Variants in TANGO6 observed in about 807,000 individuals in gnomAD.
TANGO6 encodes transport and golgi organization 6 homolog.
Under a neutral mutation model 114.2 loss-of-function variants are expected in TANGO6, and 90 were observed. That is an observed-to-expected ratio of 0.79 (90% CI 0.66 to 0.94). The LOEUF (loss-of-function observed/expected upper bound fraction) is 0.94. TANGO6 is among the 40% of genes least tolerant of loss of function. The pLI is 0.00. For missense variants in TANGO6, 1,274 were observed against 1,315.3 expected (o/e 0.97, Z 0.49); for synonymous variants, 477 against 509.8 (o/e 0.94, Z 0.87).
intron 5 of TANGO6, among the ~76,000 whole-genome samples, chr16:68,877,269 A>T (rs1177542670): frequency 6.6e-6 from 1 of 152,084 alleles, no homozygotes; most frequent in East Asian, 1.9e-4. Context: ...AGAGTTTGAG[A>T]CCAGCCTGAT....
intron 15 of TANGO6, among the ~76,000 whole-genome samples, chr16:69,011,964 C>T (rs1394061196): frequency 6.6e-6 from 1 of 152,204 alleles, no homozygotes; most frequent in Non-Finnish European, 1.5e-5. Flanking sequence ...ATTTTTTCAG[C>T]TCTCTCACTT....
At chr16:68,876,804 G>A (rs1962369183) in intron 5 of TANGO6, among the ~76,000 whole-genome samples, 1 of 152,150 alleles carries the variant, frequency 6.6e-6, no homozygotes, top group South Asian at 2.1e-4. Context: ...CCGGGTGACA[G>A]AGCGAGACTC....
chr16:68,971,862 A>G (rs1332080240), intron 14 of TANGO6, among the ~76,000 whole-genome samples: 2 of 148,428 alleles, frequency 1.3e-5, no homozygotes, highest in Non-Finnish European at 3.0e-5. Context: ...TGAACTCCTG[A>G]CCTCAAGTGA....
At chr16:69,009,347 C>T (rs186043902) in intron 15 of TANGO6, among the ~76,000 whole-genome samples, 69 of 152,218 alleles carry the variant, frequency 4.5e-4, no homozygotes, top group Middle Eastern at 6.8e-3. Context: ...TCCCAAAGTG[C>T]TGGGATTACA....
At chr16:68,843,925 A>C (rs1961764025) in intron 1 of TANGO6, among the ~76,000 whole-genome samples, 1 of 152,156 alleles carries the variant, frequency 6.6e-6, no homozygotes, top group Non-Finnish European at 1.5e-5. Flanking sequence ...TTGACTGCTG[A>C]TATTAGCCAA....
At chr16:69,043,295 TG>T (rs1959802186) in intron 17 of TANGO6, among the ~76,000 whole-genome samples, 1 of 147,278 alleles carries the variant, frequency 6.8e-6, no homozygotes, top group Admixed American at 6.7e-5. Flanking sequence ...TGTGTGTGTG[TG>T]TGTGTGTGTG....
chr16:68,974,526 G>T (rs1379868761), intron 15 of TANGO6, among the ~76,000 whole-genome samples: 1 of 152,096 alleles, frequency 6.6e-6, no homozygotes, highest in Non-Finnish European at 1.5e-5. Context: ...GCTGGGCGTG[G>T]TGGTGTACGC....
At chr16:69,054,273 G>A (rs1959997954) in intron 17 of TANGO6, among the ~76,000 whole-genome samples, 1 of 152,102 alleles carries the variant, frequency 6.6e-6, no homozygotes, top group South Asian at 2.1e-4. Context: ...CCCTCCAAAG[G>A]GTAAACACTC....
At chr16:68,895,767 T>C (rs1962695688) in intron 7 of TANGO6, among the ~76,000 whole-genome samples, 1 of 152,114 alleles carries the variant, frequency 6.6e-6, no homozygotes, top group Admixed American at 6.5e-5. Context: ...CCAAAATCAA[T>C]CTGGTCATTA....
At chr16:68,992,606 C>T (rs16958541) in intron 15 of TANGO6, among the ~76,000 whole-genome samples, 3,848 of 152,146 alleles carry the variant, frequency 0.025, 167 homozygotes, top group African/African-American at 0.088. Context: ...GTAAAATGTG[C>T]GATCATCCTG....
intron 17 of TANGO6, among the ~76,000 whole-genome samples, chr16:69,042,303 T>G (rs1959786144): frequency 6.6e-6 from 1 of 152,084 alleles, no homozygotes; most frequent in Non-Finnish European, 1.5e-5. Flanking sequence ...TCCCAGCACT[T>G]TGGGAGGCTG....
At chr16:69,007,416 C>T (rs1404747933) in intron 15 of TANGO6, among the ~76,000 whole-genome samples, 1 of 151,780 alleles carries the variant, frequency 6.6e-6, no homozygotes, top group East Asian at 1.9e-4. Flanking sequence ...ACTACAGGCA[C>T]GTGCCACCAC....
chr16:68,866,347 GGC>G (rs1236768172), intron 3 of TANGO6, among the ~76,000 whole-genome samples: 2 of 152,014 alleles, frequency 1.3e-5, no homozygotes, highest in Non-Finnish European at 2.9e-5. Flanking sequence ...ATGTCGGCCG[GGC>G]GCGGTGGCTC....
chr16:68,931,313 A>G (rs1021508543), intron 14 of TANGO6, among the ~76,000 whole-genome samples: 2 of 152,228 alleles, frequency 1.3e-5, no homozygotes, highest in Non-Finnish European at 2.9e-5. Context: ...AGGAATGTGA[A>G]ATGGTACTGC....
chr16:69,022,729 T>G, intron 15 of TANGO6, 99 bp from the exon 16 acceptor site: 2 of 1,310,884 alleles, frequency 1.5e-6, no homozygotes, highest in South Asian at 2.9e-5. Context: ...ACAAAAAGAA[T>G]AAGACATCAT....
intron 17 of TANGO6, among the ~76,000 whole-genome samples, chr16:69,081,050 A>G (rs1439862884): frequency 6.6e-6 from 1 of 152,146 alleles, no homozygotes; most frequent in Non-Finnish European, 1.5e-5. Context: ...AGGCAGGAGA[A>G]TGGTGTGAAC....
chr16:69,037,879 T>TA (rs1959715534), intron 16 of TANGO6, among the ~76,000 whole-genome samples: 1 of 152,246 alleles, frequency 6.6e-6, no homozygotes, highest in Admixed American at 6.5e-5. Context: ...CTAGTTCTTC[T>TA]AATCTCTCTG....
At chr16:68,924,586 G>A (rs528447347) in intron 12 of TANGO6, among the ~76,000 whole-genome samples, 2 of 151,962 alleles carry the variant, frequency 1.3e-5, no homozygotes, top group South Asian at 2.1e-4. Context: ...TCAGGAGTTC[G>A]AGACCAGCCT....
At chr16:68,884,413 G>A (rs1437472714) in intron 7 of TANGO6, among the ~76,000 whole-genome samples, 2 of 152,154 alleles carry the variant, frequency 1.3e-5, no homozygotes, top group African/African-American at 4.8e-5. Context: ...CTTCTGAAAA[G>A]AGGGGTCTTC....
Sources: allele counts gnomAD v4.1 joint callset (sites outside exome capture counted in the v4.1 genomes callset), GRCh38; gene constraint gnomAD v4.1.1; transcripts MANE v1.5; gene names NCBI Gene and HGNC (gene_info 2026-07-23, HGNC 2026-07-21).